DPP6: variants seen among roughly 807,000 people sequenced by gnomAD.
DPP6 encodes the protein A-type potassium channel modulatory protein DPP6.
In DPP6, 69 loss-of-function variants were observed where a neutral mutation model predicts 122.6. That is an observed-to-expected ratio of 0.56 (90% CI 0.46 to 0.69). The LOEUF (loss-of-function observed/expected upper bound fraction) is 0.69, where lower values mean the gene tolerates loss of function less well. DPP6 is among the 30% of genes least tolerant of loss of function. The pLI is 0.00. For synonymous variants in DPP6, 418 were observed against 433.1 expected (o/e 0.97, Z 0.43); for missense variants, 928 against 1,116.9 (o/e 0.83, Z 2.41).
At chr7:154,342,611 A>G (rs1417729618) in intron 1 of DPP6, among the ~76,000 whole-genome samples, 6 of 152,194 alleles carry the variant, frequency 3.9e-5, no homozygotes, top group Admixed American at 3.3e-4. Context: ...GAACTAGAAG[A>G]TCCTGTGCAT....
At chr7:154,136,252 T>C (rs1375816816) in intron 1 of DPP6, among the ~76,000 whole-genome samples, 2 of 152,202 alleles carry the variant, frequency 1.3e-5, no homozygotes, top group South Asian at 2.1e-4. Context: ...AAGACTGTCA[T>C]TGGTAGATGG....
intron 1 of DPP6, among the ~76,000 whole-genome samples, chr7:153,945,407 G>A (rs1174154087): frequency 2.0e-5 from 3 of 152,158 alleles, no homozygotes; most frequent in Admixed American, 6.5e-5. Flanking sequence ...GTATCACAGA[G>A]CAGGAAGAAT....
intron 3 of DPP6, among the ~76,000 whole-genome samples, chr7:154,500,358 C>G (rs1295675023): frequency 6.6e-6 from 1 of 152,092 alleles, no homozygotes. Flanking sequence ...GAAATACATC[C>G]CAGTTGGCAC....
intron 1 of DPP6, among the ~76,000 whole-genome samples, chr7:153,995,997 C>T (rs550761409): frequency 4.9e-4 from 74 of 151,968 alleles, no homozygotes; most frequent in East Asian, 1.6e-3. Context: ...GGCAACATTC[C>T]GCAGGGGCTA....
chr7:154,850,841 G>A (rs1369746015), intron 16 of DPP6, among the ~76,000 whole-genome samples: 3 of 151,682 alleles, frequency 2.0e-5, no homozygotes, highest in Admixed American at 6.6e-5. Context: ...TTTTTTCTTA[G>A]TCTGGCTAAA....
the DPP6 span, among the ~76,000 whole-genome samples, chr7:153,808,566 A>C: frequency 0.73 from 111,042 of 151,828 alleles, 41,708 homozygotes; most frequent in African/African-American, 0.91. Flanking sequence ...AAAGGTTGTA[A>C]CCTTTGACCA....
chr7:154,759,735 C>T lies in DPP6; in HGVS notation c.884-9682C>T, dbSNP rs1002986137. Among the ~76,000 whole-genome samples, 75 of 152,360 alleles carry T rather than the reference C, an allele frequency of 4.9e-4. 1 individual carries two copies. Among genetic ancestry groups the T allele is most frequent in the Middle Eastern group, 3.4e-3 (1 of 294 alleles). On this transcript the variant is annotated intron_variant, in intron 8 of 25. Transcript: ENST00000377770. ...TGTAAGGCCCCTCTCTGTGTCCAGC[C>T]AGATAGCGTGTCTCCAATCCATGGG...
At chr7:153,815,309 C>A in the DPP6 span, among the ~76,000 whole-genome samples, 1 of 152,076 alleles carries the variant, frequency 6.6e-6, no homozygotes, top group Non-Finnish European at 1.5e-5. Flanking sequence ...TTCTTATACA[C>A]CAGTAACAGA....
At chr7:153,837,691 G>T in the DPP6 span, among the ~76,000 whole-genome samples, 1 of 151,678 alleles carries the variant, frequency 6.6e-6, no homozygotes, top group Non-Finnish European at 1.5e-5. Context: ...TTTTTTCTTT[G>T]TTTTTATTTT....
intron 17 of DPP6, among the ~76,000 whole-genome samples, chr7:154,865,045 G>A (rs1803736023): frequency 6.6e-6 from 1 of 152,180 alleles, no homozygotes; most frequent in Admixed American, 6.5e-5. Context: ...GGAGACAAGA[G>A]CGTACTTTAA....
At chr7:154,718,235 T>C (rs1227633921) in intron 7 of DPP6, among the ~76,000 whole-genome samples, 4 of 152,192 alleles carry the variant, frequency 2.6e-5, no homozygotes, top group African/African-American at 9.6e-5. Flanking sequence ...TCTTTTGCTG[T>C]GTGAAGCTTT....
intron 1 of DPP6, among the ~76,000 whole-genome samples, chr7:154,185,056 ACT>A (rs1798287692): frequency 6.6e-6 from 1 of 152,146 alleles, no homozygotes; most frequent in Non-Finnish European, 1.5e-5. Context: ...TTTCCTTCAG[ACT>A]CTCTAGTCTC....
intron 8 of DPP6, among the ~76,000 whole-genome samples, chr7:154,729,270 AG>A (rs1256889561): frequency 1.1e-4 from 16 of 152,256 alleles, no homozygotes; most frequent in African/African-American, 3.1e-4. Flanking sequence ...GGCTGGGTCA[AG>A]GGAGGGTCAG....
intron 1 of DPP6, among the ~76,000 whole-genome samples, chr7:154,261,136 C>T (rs966037774): frequency 4.6e-5 from 7 of 152,110 alleles, no homozygotes; most frequent in Non-Finnish European, 8.8e-5. Flanking sequence ...CCTTGTGTTC[C>T]GCCTGCCTCA....
intron 8 of DPP6, among the ~76,000 whole-genome samples, chr7:154,763,770 TGCTCCCTAA>T (rs763103837): frequency 6.6e-6 from 1 of 152,230 alleles, no homozygotes; most frequent in Non-Finnish European, 1.5e-5. Context: ...CTCACGTCTG[TGCTCCCTAA>T]GCTGGCTTTG....
chr7:153,757,386 A>C, the DPP6 span, among the ~76,000 whole-genome samples: 1 of 152,344 alleles, frequency 6.6e-6, no homozygotes, highest in South Asian at 2.1e-4. Flanking sequence ...CATAAACCAA[A>C]AAAGCTGACA....
intron 1 of DPP6, among the ~76,000 whole-genome samples, chr7:154,303,781 C>T (rs1202232744): frequency 2.6e-5 from 4 of 152,162 alleles, no homozygotes; most frequent in Non-Finnish European, 4.4e-5. Context: ...CTGCCAAATA[C>T]GTACTCAGAC....
intron 1 of DPP6, among the ~76,000 whole-genome samples, chr7:154,266,706 A>G (rs1803443589): frequency 6.6e-6 from 1 of 152,250 alleles, no homozygotes; most frequent in East Asian, 1.9e-4. Context: ...AAATCAATCA[A>G]TATGATTACA....
the DPP6 span, among the ~76,000 whole-genome samples, chr7:153,790,451 G>A: frequency 6.6e-6 from 1 of 151,934 alleles, no homozygotes; most frequent in Non-Finnish European, 1.5e-5. Context: ...CTTTATTATT[G>A]AATTCAATAA....
Sources: allele counts gnomAD v4.1 joint callset (sites outside exome capture counted in the v4.1 genomes callset), GRCh38; gene constraint gnomAD v4.1.1; transcripts MANE v1.5; gene names NCBI Gene and HGNC (gene_info 2026-07-23, HGNC 2026-07-21).